Variants in STK32A observed in about 807,000 individuals in gnomAD.
STK32A encodes the protein serine/threonine kinase 32A.
A neutral mutation model predicts 53.2 loss-of-function variants in STK32A; 41 were observed. The ratio of observed to expected loss-of-function variants is 0.77; its 90% CI spans 0.60 to 1.00. The LOEUF (loss-of-function observed/expected upper bound fraction) is 1.00, where lower values mean the gene tolerates loss of function less well. STK32A is among the 50% of genes least tolerant of loss of function. STK32A has a pLI of 0.00. For synonymous variants in STK32A, 166 were observed against 162.8 expected (o/e 1.02, Z -0.15); for missense variants, 458 against 485.8 (o/e 0.94, Z 0.54).
At chr5:147,235,440 C>A (rs755472363) in intron 1 of STK32A, among the ~76,000 whole-genome samples, 4 of 152,216 alleles carry the variant, frequency 2.6e-5, no homozygotes, top group Non-Finnish European at 4.4e-5. Context: ...TGGGTTGAGA[C>A]AAGTGAGTGG....
the STK32A span, chr5:147,395,501 G>C: frequency 6.4e-7 from 1 of 1,553,462 alleles, no homozygotes; most frequent in African/African-American, 1.4e-5. Context: ...TGTGGCCTCA[G>C]AACATTGATC....
At chr5:147,301,506 A>C (rs1057164118) in intron 4 of STK32A, among the ~76,000 whole-genome samples, 4 of 152,156 alleles carry the variant, frequency 2.6e-5, no homozygotes, top group African/African-American at 9.7e-5. Flanking sequence ...ACTGCACCTA[A>C]ACTTGAACCT....
intron 6 of STK32A, among the ~76,000 whole-genome samples, chr5:147,348,412 G>A (rs567521684): frequency 5.3e-5 from 8 of 152,212 alleles, no homozygotes; most frequent in South Asian, 4.2e-4. Flanking sequence ...AAATATTGGC[G>A]CCCAACCCAC....
the STK32A span, among the ~76,000 whole-genome samples, chr5:147,394,730 G>C: frequency 6.6e-6 from 1 of 151,252 alleles, no homozygotes; most frequent in Non-Finnish European, 1.5e-5. Flanking sequence ...ATGACTAGCA[G>C]AATGTGACCT....
intron 1 of STK32A, among the ~76,000 whole-genome samples, chr5:147,238,849 T>C (rs1046874809): frequency 6.6e-6 from 1 of 151,778 alleles, no homozygotes; most frequent in African/African-American, 2.4e-5. Context: ...AAACATAATA[T>C]ATACGTTAAT....
intron 2 of STK32A, among the ~76,000 whole-genome samples, chr5:147,257,548 C>T (rs952519960): frequency 7.2e-5 from 11 of 152,094 alleles, no homozygotes; most frequent in Admixed American, 5.9e-4. Context: ...TTAAATTTTT[C>T]TTAGCTTTAG....
At chr5:147,355,792 G>GTGTGTGTGTATATATATATATATATATA (rs984298293) in intron 7 of STK32A, among the ~76,000 whole-genome samples, 9 of 147,764 alleles carry the variant, frequency 6.1e-5, no homozygotes, top group African/African-American at 2.0e-4. Flanking sequence ...GTGTGTGTGT[G>GTGTGTGTGTATATATATATATATATATA]TATATATATA....
At chr5:147,279,501 G>A in intron 4 of STK32A, 103 bp downstream of exon 4, 2 of 1,004,998 alleles carry the variant, frequency 2.0e-6, no homozygotes. Flanking sequence ...CTGGTATCCA[G>A]GCTCTTGACA....
chr5:147,346,363 CT>C (rs1289091447), intron 6 of STK32A, among the ~76,000 whole-genome samples: 2 of 152,196 alleles, frequency 1.3e-5, no homozygotes, highest in Non-Finnish European at 2.9e-5. Context: ...CTGGTGCCCC[CT>C]ATGCGCATCC....
chr5:147,400,592 T>C, the STK32A span: 5 of 1,469,132 alleles, frequency 3.4e-6, no homozygotes, highest in South Asian at 1.3e-5. Context: ...AGATCCCATC[T>C]GCACTCGCAG....
intron 2 of STK32A, among the ~76,000 whole-genome samples, chr5:147,241,654 T>TC (rs1385270246): frequency 2.0e-5 from 3 of 152,226 alleles, no homozygotes; most frequent in African/African-American, 7.2e-5. Flanking sequence ...AACTTTTTTT[T>TC]CATGGCTATT....
the STK32A span, chr5:147,401,915 T>C: frequency 2.2e-6 from 1 of 452,858 alleles, no homozygotes; most frequent in African/African-American, 2.1e-5. Flanking sequence ...CCATTGGTTG[T>C]TAGATGCAGT....
chr5:147,361,430 G>T, intron 7 of STK32A, 87 bp from the exon 8 acceptor site: 1 of 890,908 alleles, frequency 1.1e-6, no homozygotes, highest in South Asian at 1.4e-5. Context: ...TTTGATCCTG[G>T]TAATTCTCCT....
intron 2 of STK32A, among the ~76,000 whole-genome samples, chr5:147,266,786 A>G (rs1754830225): frequency 6.6e-6 from 1 of 152,110 alleles, no homozygotes; most frequent in African/African-American, 2.4e-5. Flanking sequence ...GCACTTTGGG[A>G]GGCTGAGGTG....
intron 6 of STK32A, chr5:147,343,364 A>C: frequency 2.3e-6 from 1 of 435,244 alleles, no homozygotes; most frequent in South Asian, 2.0e-5. Flanking sequence ...GCAATCACCT[A>C]TTTTTTATAA....
Position 147,386,765 on chromosome 5 carries a change from G to C in STK32A, c.*2782G>C, listed in dbSNP as rs1001767204. On this transcript the variant is annotated 3_prime_UTR_variant, in exon 13 of 13. Transcript: ENST00000397936. The stretch of plus-strand genomic sequence containing the variant: ...ACACAGTGTATTTCAAGTTTGAAAA[G>C]CAAAACCATGGTATCTGACAGTGCT... 2.6e-5 allele frequency: 4 copies of C among 152,192 alleles called. No homozygotes were observed. Among genetic ancestry groups the C allele is most frequent in the Admixed American group, 2.0e-4 (3 of 15,274 alleles). The allele number at this position is 152,192 out of a possible 1,614,324, so 9.4% of individuals were successfully genotyped here. A position where few individuals can be genotyped will look rare whatever the true frequency, so the allele number is the denominator to read the frequency against.
chr5:147,354,897 C>T (rs975900877), intron 7 of STK32A, among the ~76,000 whole-genome samples: 5 of 152,126 alleles, frequency 3.3e-5, no homozygotes, highest in African/African-American at 7.2e-5. Flanking sequence ...ATGTTTCTTG[C>T]CTTATTCCAA....
At chr5:147,285,487 A>T (rs1304727425) in intron 4 of STK32A, among the ~76,000 whole-genome samples, 3 of 152,098 alleles carry the variant, frequency 2.0e-5, no homozygotes, top group Non-Finnish European at 4.4e-5. Context: ...TTTGCATGGC[A>T]AACGGAAGTC....
intron 2 of STK32A, among the ~76,000 whole-genome samples, chr5:147,262,844 C>A (rs1167461520): frequency 6.6e-6 from 1 of 152,110 alleles, no homozygotes; most frequent in Non-Finnish European, 1.5e-5. Flanking sequence ...TGAGAAATAA[C>A]CAGACCCATG....
Sources: gnomAD v4.1 joint callset for allele counts (sites outside exome capture counted in the v4.1 genomes callset) on GRCh38, gnomAD v4.1.1 for gene constraint, MANE v1.5 for transcripts, NCBI Gene and HGNC (gene_info 2026-07-23, HGNC 2026-07-21) for gene names.